Variants in FANCC observed in about 807,000 individuals in gnomAD.
FANCC encodes the protein FA complementation group C.
A neutral mutation model predicts 71.3 loss-of-function variants in FANCC; 55 were observed. The observed-to-expected ratio is 0.77, with a 90% confidence interval of 0.62 to 0.97. The LOEUF is 0.97. Among genes scored for constraint, FANCC ranks in the 50% least tolerant of loss-of-function variants. FANCC has a pLI of 0.00. For missense variants in FANCC, 678 were observed against 670.9 expected (o/e 1.01, Z -0.12); for synonymous variants, 275 against 244.9 (o/e 1.12, Z -1.15).
chr9:95,229,297 CAA>C (rs34502007), intron 4 of FANCC, among the ~76,000 whole-genome samples: 2,990 of 99,320 alleles, frequency 0.03, 68 homozygotes, highest in African/African-American at 0.099. Flanking sequence ...GATTCCTTCT[CAA>C]AAAAAAAAAA....
intron 4 of FANCC, among the ~76,000 whole-genome samples, chr9:95,197,482 T>C (rs1827529251): frequency 6.6e-6 from 1 of 152,134 alleles, no homozygotes; most frequent in Non-Finnish European, 1.5e-5. Context: ...AAGGCTACAA[T>C]GAGCCATGAT....
chr9:95,241,521 C>A (rs1289845946), intron 3 of FANCC, among the ~76,000 whole-genome samples: 1 of 152,050 alleles, frequency 6.6e-6, no homozygotes, highest in Non-Finnish European at 1.5e-5. Flanking sequence ...AAAAATGGGG[C>A]CTAGAAACTG....
chr9:95,200,448 C>T (rs1183021854), intron 4 of FANCC, among the ~76,000 whole-genome samples: 1 of 152,190 alleles, frequency 6.6e-6, no homozygotes, highest in African/African-American at 2.4e-5. Context: ...AATTTTATGG[C>T]AGTTGTCCAT....
intron 1 of FANCC, among the ~76,000 whole-genome samples, chr9:95,314,545 G>C (rs760141301): frequency 2.1e-4 from 32 of 151,954 alleles, no homozygotes; most frequent in Non-Finnish European, 3.8e-4. Flanking sequence ...CCAGCTACTC[G>C]GGAGGCTGAG....
rs149852668 is a variant in FANCC at position 95,219,186 on chromosome 9, G to C, written c.345+21463C>G. Among the ~76,000 whole-genome samples, 110 of 152,306 alleles carry C rather than the reference G, an allele frequency of 7.2e-4. No individual in the cohort carries two copies. In the East Asian group the frequency reaches 0.019, roughly 27 times the overall value. On this transcript the variant is annotated intron_variant, in intron 4 of 14. Transcript: ENST00000289081. ...AGTTCTGTAGTGCATGAAAACTGCA[G>C]GAAACTGCAGTCACCTGTGGGCAAG... is the stretch of plus-strand genomic sequence containing the variant.
intron 10 of FANCC, among the ~76,000 whole-genome samples, chr9:95,121,478 T>C (rs2072873320): frequency 6.6e-6 from 1 of 152,242 alleles, no homozygotes; most frequent in African/African-American, 2.4e-5. Flanking sequence ...GCAGGATCTA[T>C]GAAAGTTGAA....
chr9:95,161,652 A>G (rs1427047317), intron 6 of FANCC, among the ~76,000 whole-genome samples: 1 of 152,172 alleles, frequency 6.6e-6, no homozygotes, highest in Non-Finnish European at 1.5e-5. Flanking sequence ...TTAACATACA[A>G]TTTACCATTT....
intron 1 of FANCC, among the ~76,000 whole-genome samples, chr9:95,314,221 G>C (rs1329195151): frequency 6.6e-6 from 1 of 152,204 alleles, no homozygotes; most frequent in Non-Finnish European, 1.5e-5. Context: ...GTTCAACAAG[G>C]AAGGTTGCAA....
intron 4 of FANCC, among the ~76,000 whole-genome samples, chr9:95,205,706 A>C (rs1828081215): frequency 6.6e-6 from 1 of 152,190 alleles, no homozygotes; most frequent in Non-Finnish European, 1.5e-5. Flanking sequence ...ATTAATCAAC[A>C]AAAACTAGTG....
intron 7 of FANCC, among the ~76,000 whole-genome samples, chr9:95,147,670 A>G (rs1027589814): frequency 2.0e-5 from 3 of 152,248 alleles, no homozygotes. Flanking sequence ...TACAGATGTT[A>G]ATGATTTACC....
intron 1 of FANCC, among the ~76,000 whole-genome samples, chr9:95,277,780 A>G (rs1476308082): frequency 1.3e-5 from 2 of 152,216 alleles, no homozygotes; most frequent in East Asian, 3.9e-4. Flanking sequence ...CAAAGTGCTC[A>G]AAAGTTGTCA....
rs201379302 is a variant in FANCC at position 95,101,840 on chromosome 9, G to C, written c.1544C>G (p.Thr515Ser). The C allele has an allele frequency of 3.5e-5, 56 of 1,614,014 alleles. No homozygotes were observed. The highest frequency in any genetic ancestry group is 4.0e-5 in the Non-Finnish European group (47 of 1,179,966). ...AATGATCTCGTGAGTTATCTCAGCA[G>C]TGTGAGCCATCTGCAATCAGGACAG... Reference protein sequence around the residue: ...AWDVITLMAHTAEITHEIIGF... With the variant: ...AWDVITLMAHSAEITHEIIGF... The change falls in exon 15 of 15, where the codon ACT becomes AGT. Residue 515 changes from threonine to serine, a missense_variant. Transcript: ENST00000289081.
At chr9:95,285,899 A>G (rs891133645) in intron 1 of FANCC, among the ~76,000 whole-genome samples, 19 of 152,360 alleles carry the variant, frequency 1.2e-4, no homozygotes, top group Middle Eastern at 3.4e-3. Flanking sequence ...TGTTCACTGC[A>G]TATTTATTTA....
At position 95,245,976 on chromosome 9, in the gene FANCC, TG is replaced by T. The variant is rs1459683735; in HGVS notation, c.250+1455del. Among the ~76,000 whole-genome samples the T allele has an allele frequency of 4.6e-5, 7 of 152,276 alleles. No homozygotes were observed. In the East Asian group the frequency reaches 1.4e-3, roughly 29 times the overall value. ...CTTATTGTACTATACTGTGAGTAAC[TG>T]CAAGTGCAGAAAGTCTAAGGGGGGT... is the stretch of plus-strand genomic sequence containing the variant. On this transcript the variant is annotated intron_variant, in intron 3 of 14. Transcript: ENST00000289081.
chr9:95,300,975 C>A (rs1834688927), intron 1 of FANCC, among the ~76,000 whole-genome samples: 1 of 152,024 alleles, frequency 6.6e-6, no homozygotes, highest in Admixed American at 6.6e-5. Flanking sequence ...ATGAGAAGAA[C>A]AAATACAGCA....
intron 4 of FANCC, among the ~76,000 whole-genome samples, chr9:95,211,082 A>G (rs2135873672): frequency 6.6e-6 from 1 of 152,326 alleles, no homozygotes; most frequent in Middle Eastern, 3.4e-3. Flanking sequence ...TCCTCCTGCT[A>G]CAGAAAACTA....
chr9:95,229,778 C>T (rs1829875012), intron 4 of FANCC, among the ~76,000 whole-genome samples: 1 of 142,970 alleles, frequency 7.0e-6, no homozygotes, highest in African/African-American at 2.7e-5. Flanking sequence ...TGTACACACA[C>T]ACACACACAC....
At chr9:95,237,467 C>T (rs575033733) in intron 4 of FANCC, among the ~76,000 whole-genome samples, 1 of 152,344 alleles carries the variant, frequency 6.6e-6, no homozygotes, top group East Asian at 1.9e-4. Flanking sequence ...AGTCTTTGCT[C>T]ACAGTGGCTA....
intron 4 of FANCC, 58 bp from the exon 5 acceptor site, chr9:95,172,205 A>C: frequency 9.1e-7 from 1 of 1,093,074 alleles, no homozygotes; most frequent in South Asian, 1.3e-5. Context: ...AGTGCCTTTT[A>C]TGTACAATGC....
Sources: gnomAD v4.1 joint callset for allele counts (sites outside exome capture counted in the v4.1 genomes callset) on GRCh38, gnomAD v4.1.1 for gene constraint, MANE v1.5 for transcripts, NCBI Gene and HGNC (gene_info 2026-07-23, HGNC 2026-07-21) for gene names.